Variants in PTPRU observed in about 807,000 individuals in gnomAD.
The protein encoded by PTPRU is receptor-type tyrosine-protein phosphatase U.
A neutral mutation model predicts 166.3 loss-of-function variants in PTPRU; 69 were observed. That is an observed-to-expected ratio of 0.41 (90% CI 0.34 to 0.51). The LOEUF is 0.51. Ranked by LOEUF, PTPRU falls within the 20% of genes least tolerant of loss-of-function variation. The probability of loss-of-function intolerance (pLI) is 0.09; values close to 1 mark genes in which losing one functional copy is unlikely to be tolerated. For synonymous variants in PTPRU, 793 were observed against 814.0 expected, an observed-to-expected ratio of 0.97 and a Z score of 0.44; for missense variants, 1,657 against 2,013.7, an observed-to-expected ratio of 0.82 and a Z score of 3.39.
At chr1:29,323,895 A>T in intron 28 of PTPRU, 107 bp downstream of exon 28, 1 of 1,350,992 alleles carries the variant, frequency 7.4e-7, no homozygotes. Flanking sequence ...GCTGGCACCG[A>T]AACCCCTGGG....
intron 7 of PTPRU, 80 bp from the exon 8 acceptor site, chr1:29,275,368 G>A (rs1685745015): frequency 7.1e-7 from 1 of 1,407,250 alleles, no homozygotes; most frequent in Non-Finnish European, 9.7e-7. Flanking sequence ...GCAGCTGACT[G>A]ATGCTTTCTC....
chr1:29,314,218 C>A (rs1441200490), intron 22 of PTPRU, among the ~76,000 whole-genome samples: 1 of 152,098 alleles, frequency 6.6e-6, no homozygotes, highest in Non-Finnish European at 1.5e-5. Flanking sequence ...GACATTCGAT[C>A]GTATGTCTTT....
intron 15 of PTPRU, among the ~76,000 whole-genome samples, chr1:29,297,264 A>C (rs940500252): frequency 2.6e-5 from 4 of 151,902 alleles, no homozygotes; most frequent in African/African-American, 9.7e-5. Context: ...TATGTTGGCC[A>C]GGCTGGTCTC....
chr1:29,272,906 CAAA>C (rs57076551), intron 7 of PTPRU, among the ~76,000 whole-genome samples: 1 of 54,658 alleles, frequency 1.8e-5, no homozygotes. Context: ...GACCTTGTCT[CAAA>C]AAAAAAAAAA....
intron 26 of PTPRU, 38 bp from the exon 27 acceptor site, chr1:29,323,333 G>GCT (rs1360594860): frequency 3.1e-6 from 5 of 1,593,962 alleles, no homozygotes; most frequent in Non-Finnish European, 4.3e-6. Context: ...CCCCGGCCAG[G>GCT]CTCTACTCAG....
At chr1:29,269,767 T>C (rs1029683315) in intron 7 of PTPRU, among the ~76,000 whole-genome samples, 1 of 152,206 alleles carries the variant, frequency 6.6e-6, no homozygotes, top group Non-Finnish European at 1.5e-5. Context: ...CTCATCATCC[T>C]AGCCCAACAG....
intron 7 of PTPRU, among the ~76,000 whole-genome samples, chr1:29,261,803 GATT>G (rs1041531042): frequency 6.6e-6 from 1 of 152,114 alleles, no homozygotes; most frequent in African/African-American, 2.4e-5. Context: ...AAAGTGCTAA[GATT>G]ATAGGCGTGA....
chr1:29,315,234 C>T lies in PTPRU; in HGVS notation c.3228-138C>T. 9.2e-7 allele frequency: 1 copy of T among 1,084,594 alleles called. No individual in the cohort carries two copies. The highest frequency in any genetic ancestry group is 1.3e-6 in the Non-Finnish European group (1 of 757,458). The allele number at this position is 1,084,594 out of a possible 1,614,324, so 67.2% of individuals were successfully genotyped here. On this transcript the variant is annotated intron_variant, in intron 22 of 29. Transcript: ENST00000373779. This position sits in a 1 kb window ranked among gnomAD's most constrained non-coding sequence, Gnocchi z 4.5. ...CAGCAGCCTGCGTCCTGGCTCCTTA[C>T]TCGGGGAGGGGCAGTCATCTCTGTG...
At chr1:29,312,489 C>A in intron 21 of PTPRU, 63 bp from the exon 22 acceptor site, 1 of 1,445,672 alleles carries the variant, frequency 6.9e-7, no homozygotes. Context: ...TGGCACACAG[C>A]AGGTGTCTAA....
At position 29,279,005 on chromosome 1, in the gene PTPRU, C is replaced by G; in HGVS notation, c.1454-7C>G. The G allele has an allele frequency of 6.4e-7, 1 of 1,573,684 alleles. No individual in the cohort carries two copies. The highest frequency in any genetic ancestry group is 8.6e-7 in the Non-Finnish European group (1 of 1,158,428). The stretch of plus-strand genomic sequence containing the variant: ...TTCCCCTGGCCCCTGCTGCCTTTCC[C>G]TTGCAGTGCCCAGTGGGATTGCAGC... On this transcript the variant is annotated splice_region_variant and splice_polypyrimidine_tract_variant and intron_variant, in intron 8 of 29. Transcript: ENST00000373779. This position sits in a 1 kb window ranked among gnomAD's most constrained non-coding sequence, Gnocchi z 5.2.
chr1:29,303,800 C>A, intron 15 of PTPRU, 55 bp from the exon 16 acceptor site: 2 of 1,497,934 alleles, frequency 1.3e-6, no homozygotes, highest in Non-Finnish European at 9.1e-7. Flanking sequence ...CTCTCCAGGA[C>A]CCCCGAGGCT....
At position 29,282,742 on chromosome 1, in the gene PTPRU, C is replaced by G. The variant is rs552985364; in HGVS notation, c.1935C>G (p.Asp645Glu). ...RRLRREPGGQ[D>E]CFPVPLTFEA... ...TGCGGCGGGAGCCAGGTGGACAGGACTGCTTCCCAGTGCCATTGACCTTCG... is the reference window on the plus strand; with the variant it reads ...TGCGGCGGGAGCCAGGTGGACAGGAGTGCTTCCCAGTGCCATTGACCTTCG... Residue 645 changes from aspartate (D) to glutamate (E), a missense_variant, in exon 12 of 30, where the codon GAC (aspartate) becomes GAG (glutamate). This residue lies in a region of PTPRU where 1,190 missense variants were observed against 1,477.4 expected (regional missense o/e 0.81). Coordinates refer to ENST00000373779, the MANE Select transcript of PTPRU (RefSeq NM_133178.4). The G allele has an allele frequency of 1.1e-5, 17 of 1,613,974 alleles. No individual in the cohort carries two copies. Among genetic ancestry groups the G allele is most frequent in the African/African-American group, 9.3e-5 (7 of 75,048 alleles).
intron 22 of PTPRU, among the ~76,000 whole-genome samples, chr1:29,314,790 G>A (rs1490632559): frequency 1.3e-5 from 2 of 152,066 alleles, no homozygotes; most frequent in African/African-American, 4.8e-5. Flanking sequence ...TGTTGGCCAG[G>A]CTGGTCTCGA....
chr1:29,299,416 G>A (rs1049333707), intron 15 of PTPRU, among the ~76,000 whole-genome samples: 1 of 152,190 alleles, frequency 6.6e-6, no homozygotes, highest in Admixed American at 6.5e-5. Flanking sequence ...GAACTCATAG[G>A]CAAGGAGAGT....
rs1683872125 is a variant in PTPRU at position 29,238,204 on chromosome 1, A to G, written c.73+1487A>G. Among the ~76,000 whole-genome samples the G allele has an allele frequency of 6.6e-6, 1 of 150,916 alleles. No individual in the cohort carries two copies. The highest frequency in any genetic ancestry group is 2.1e-4 in the South Asian group (1 of 4,774). On this transcript the variant is annotated intron_variant, in intron 1 of 29. Transcript: ENST00000373779. The surrounding 1 kb of genome is among the most constrained non-coding windows in gnomAD (Gnocchi z 6.1). The stretch of plus-strand genomic sequence containing the variant: ...TGTGTGCGCGCAGCTGAATGTATGT[A>G]TACGGAGCCTGTGTTTGTGTGTCCG...
chr1:29,318,855 GC>G (rs1487804931), intron 25 of PTPRU, among the ~76,000 whole-genome samples: 1 of 152,226 alleles, frequency 6.6e-6, no homozygotes, highest in African/African-American at 2.4e-5. Flanking sequence ...ATGGGCCAGG[GC>G]CAGGTGTGTC....
chr1:29,303,777 C>G (rs1687250406), intron 15 of PTPRU, 78 bp from the exon 16 acceptor site: 3 of 1,420,490 alleles, frequency 2.1e-6, no homozygotes, highest in Admixed American at 2.1e-5. Flanking sequence ...TCCCCACCCC[C>G]ATAGACCCCA....
At chr1:29,259,633 C>T in intron 5 of PTPRU, 69 bp downstream of exon 5, 1 of 1,428,890 alleles carries the variant, frequency 7.0e-7, no homozygotes, top group African/African-American at 1.4e-5. Context: ...CTGGCCCTGA[C>T]TCCCCCCAGA....
intron 14 of PTPRU, chr1:29,289,823 T>TC: frequency 8.0e-7 from 1 of 1,252,344 alleles, no homozygotes. Flanking sequence ...TGGCCTGGTG[T>TC]CCACCCGGTT....
Sources: allele counts gnomAD v4.1 joint callset (sites outside exome capture counted in the v4.1 genomes callset), GRCh38; gene constraint gnomAD v4.1.1; regional missense constraint gnomAD v4.1.1; non-coding constraint Gnocchi (gnomAD v3.1); transcripts MANE v1.5; gene names NCBI Gene and HGNC (gene_info 2026-07-23, HGNC 2026-07-21).